The following SYN3 variants were observed in gnomAD, a reference collection of about 807,000 sequenced individuals.
SYN3 encodes the protein synapsin III.
A neutral mutation model predicts 65.8 loss-of-function variants in SYN3; 35 were observed. The ratio of observed to expected loss-of-function variants is 0.53; its 90% CI spans 0.41 to 0.70. The LOEUF (loss-of-function observed/expected upper bound fraction) is 0.70. Ranked by LOEUF, SYN3 falls within the 30% of genes least tolerant of loss-of-function variation. SYN3 has a pLI of 0.00. For missense variants in SYN3, 680 were observed against 749.0 expected, an observed-to-expected ratio of 0.91 and a Z score of 1.08; for synonymous variants, 270 against 292.9, an observed-to-expected ratio of 0.92 and a Z score of 0.80.
intron 6 of SYN3, among the ~76,000 whole-genome samples, chr22:32,741,561 T>C (rs2061406614): frequency 2.6e-5 from 4 of 151,998 alleles, no homozygotes; most frequent in Middle Eastern, 3.4e-3. Context: ...TTCACTGTGT[T>C]AGTCAGGATG....
chr22:32,528,044 C>T (rs775236798), intron 11 of SYN3, 39 bp from the exon 12 acceptor site: 79 of 1,449,162 alleles, frequency 5.5e-5, no homozygotes, highest in Admixed American at 7.9e-5. Flanking sequence ...GGTATCACCA[C>T]AGCCCTTTAC....
At chr22:32,990,301 A>AATCCATCCATGAATCCATCCATCCATCC in intron 2 of SYN3, among the ~76,000 whole-genome samples, 2 of 139,544 alleles carry the variant, frequency 1.4e-5, no homozygotes, top group South Asian at 2.2e-4. Flanking sequence ...TCCATCCATG[A>AATCCATCCATGAATCCATCCATCCATCC]ATCCATCCAT....
chr22:32,577,258 G>A (rs2058865147), intron 7 of SYN3, among the ~76,000 whole-genome samples: 1 of 152,094 alleles, frequency 6.6e-6, no homozygotes, highest in Non-Finnish European at 1.5e-5. Flanking sequence ...TGGACAGTTT[G>A]CTCTGCTTTT....
intron 1 of SYN3, among the ~76,000 whole-genome samples, chr22:33,021,781 C>CT (rs1226087419): frequency 2.8e-4 from 18 of 63,868 alleles, no homozygotes; most frequent in East Asian, 2.0e-3. Flanking sequence ...TATACTGTAA[C>CT]TTATTTTTTT....
chr22:32,980,726 G>A (rs2052346705), intron 2 of SYN3, 24 bp from the exon 3 acceptor site: 1 of 1,610,668 alleles, frequency 6.2e-7, no homozygotes. Context: ...GAAATCAGCT[G>A]AGTAAGGATG....
chr22:32,976,549 G>A (rs1224408324), intron 3 of SYN3, among the ~76,000 whole-genome samples: 4 of 152,098 alleles, frequency 2.6e-5, no homozygotes, highest in Admixed American at 2.6e-4. Context: ...ACTTGTGCCT[G>A]TGGAGAAAAA....
chr22:32,752,590 C>T (rs2077649), intron 6 of SYN3, among the ~76,000 whole-genome samples: 23,586 of 152,254 alleles, frequency 0.15, 2,263 homozygotes, highest in Middle Eastern at 0.23. Flanking sequence ...GCACTTGCCG[C>T]GTGCCGGGGC....
intron 6 of SYN3, among the ~76,000 whole-genome samples, chr22:32,627,057 T>C (rs966243008): frequency 2.0e-5 from 3 of 152,098 alleles, no homozygotes; most frequent in Non-Finnish European, 4.4e-5. Flanking sequence ...GGCCTGCCAC[T>C]GGCTGGGGCG....
chr22:32,669,538 A>G (rs1029006492), intron 6 of SYN3, among the ~76,000 whole-genome samples: 3 of 152,228 alleles, frequency 2.0e-5, no homozygotes, highest in Non-Finnish European at 2.9e-5. Context: ...GTCATTTGCT[A>G]CAGTTGGAGT....
intron 6 of SYN3, among the ~76,000 whole-genome samples, chr22:32,667,600 T>C (rs1165988334): frequency 2.6e-5 from 4 of 152,180 alleles, no homozygotes; most frequent in Admixed American, 6.5e-5. Flanking sequence ...TTTTATTTGC[T>C]AAATTGCTGG....
chr22:32,790,669 C>T (rs984582594), intron 6 of SYN3, among the ~76,000 whole-genome samples: 13 of 152,102 alleles, frequency 8.5e-5, no homozygotes, highest in African/African-American at 3.1e-4. Flanking sequence ...TCAAGTGATT[C>T]GCCTGCCTCG....
intron 6 of SYN3, among the ~76,000 whole-genome samples, chr22:32,627,135 T>TG (rs1442495631): frequency 1.8e-5 from 2 of 114,146 alleles, no homozygotes; most frequent in Non-Finnish European, 3.5e-5. Context: ...GTTGTGTAAG[T>TG]GGGGGGTGGC....
chr22:33,052,911 C>A (rs2054194562), intron 1 of SYN3, among the ~76,000 whole-genome samples: 2 of 152,310 alleles, frequency 1.3e-5, no homozygotes, highest in East Asian at 1.9e-4. Context: ...TCATTTCAAC[C>A]CATCTAAATC....
chr22:32,875,880 C>T (rs922568745), intron 4 of SYN3, among the ~76,000 whole-genome samples: 5 of 152,170 alleles, frequency 3.3e-5, no homozygotes. Context: ...TTAAGCCACC[C>T]AACCTGTGGT....
chr22:32,576,208 G>T (rs1426144386), intron 7 of SYN3, among the ~76,000 whole-genome samples: 1 of 152,152 alleles, frequency 6.6e-6, no homozygotes, highest in African/African-American at 2.4e-5. Context: ...CCTGGCTTGA[G>T]GTCTTCCCAC....
chr22:32,701,483 T>A (rs1671972320), intron 6 of SYN3, among the ~76,000 whole-genome samples: 1 of 152,030 alleles, frequency 6.6e-6, no homozygotes, highest in South Asian at 2.1e-4. Context: ...TATAAGAAGG[T>A]TGAATTTGTA....
At position 32,723,805 on chromosome 22, in the gene SYN3, C is replaced by T. The variant is rs138576884; in HGVS notation, c.712-127069G>A. Among the ~76,000 whole-genome samples the T allele has an allele frequency of 1.1e-4, 17 of 152,332 alleles. 1 individual carries two copies. In the East Asian group the frequency reaches 3.1e-3, roughly 28 times the overall value. ...AACCACAGAAACAGCACATGCTTGC[C>T]GCTGCCGGCTGCCGCCTGGATCCTT... On this transcript the variant is annotated intron_variant, in intron 6 of 13. Transcript: ENST00000358763.
At chr22:32,804,451 A>T (rs1243995017) in intron 6 of SYN3, among the ~76,000 whole-genome samples, 2 of 152,178 alleles carry the variant, frequency 1.3e-5, no homozygotes, top group Non-Finnish European at 2.9e-5. Context: ...ACACAACCCC[A>T]CCAGTCAACT....
intron 6 of SYN3, among the ~76,000 whole-genome samples, chr22:32,813,958 T>A (rs1339586535): frequency 6.6e-6 from 1 of 152,170 alleles, no homozygotes; most frequent in Admixed American, 6.5e-5. Flanking sequence ...ATCATATTAT[T>A]ACTACATGGT....
Sources: allele counts gnomAD v4.1 joint callset (sites outside exome capture counted in the v4.1 genomes callset), GRCh38; gene constraint gnomAD v4.1.1; transcripts MANE v1.5; gene names NCBI Gene and HGNC (gene_info 2026-07-23, HGNC 2026-07-21).